The following ROBO2 variants were observed in gnomAD, a reference collection of about 807,000 sequenced individuals.
ROBO2 encodes the protein roundabout guidance receptor 2, also known as roundabout homolog 2.
Under a neutral mutation model 160.8 loss-of-function variants are expected in ROBO2, and 53 were observed. The ratio of observed to expected loss-of-function variants is 0.33; its 90% CI spans 0.26 to 0.41. The LOEUF is 0.41. Ranked by LOEUF, ROBO2 falls within the 10% of genes least tolerant of loss-of-function variation. The pLI, the probability that ROBO2 is intolerant of heterozygous loss-of-function variation, is 1.00. For missense variants in ROBO2, 1,577 were observed against 1,722.4 expected (o/e 0.92, Z 1.49); for synonymous variants, 664 against 611.7 (o/e 1.09, Z -1.26).
intron 2 of ROBO2, among the ~76,000 whole-genome samples, chr3:76,034,668 G>T (rs764402059): frequency 3.3e-5 from 5 of 150,680 alleles, no homozygotes; most frequent in Non-Finnish European, 5.9e-5. Context: ...ACTTCTTCTT[G>T]TCTTATCACC....
At chr3:77,445,077 C>T (rs145480916) in intron 2 of ROBO2, among the ~76,000 whole-genome samples, 84 of 152,190 alleles carry the variant, frequency 5.5e-4, no homozygotes, top group African/African-American at 1.9e-3. Context: ...ACGTCAACTG[C>T]CATGTTGCTG....
At chr3:76,152,678 T>G (rs1184893561) in intron 2 of ROBO2, among the ~76,000 whole-genome samples, 2 of 152,150 alleles carry the variant, frequency 1.3e-5, no homozygotes, top group Non-Finnish European at 2.9e-5. Context: ...ATTGGCATTG[T>G]CTAACATTGT....
intron 2 of ROBO2, among the ~76,000 whole-genome samples, chr3:76,236,094 T>C (rs909202145): frequency 6.6e-6 from 1 of 152,132 alleles, no homozygotes; most frequent in African/African-American, 2.4e-5. Context: ...TCAGTTATGT[T>C]TTTTTGTTCT....
intron 2 of ROBO2, among the ~76,000 whole-genome samples, chr3:76,390,448 A>G (rs552277234): frequency 6.6e-6 from 1 of 152,304 alleles, no homozygotes; most frequent in East Asian, 1.9e-4. Context: ...ATGATAAGAC[A>G]TACATTAAAG....
At chr3:76,783,481 C>T (rs890214273) in intron 2 of ROBO2, among the ~76,000 whole-genome samples, 27 of 149,966 alleles carry the variant, frequency 1.8e-4, no homozygotes, top group African/African-American at 6.6e-4. Context: ...AATAGCCTTG[C>T]CAAGTATAGT....
intron 24 of ROBO2, among the ~76,000 whole-genome samples, chr3:77,640,135 G>T (rs573565109): frequency 1.1e-5 from 1 of 90,238 alleles, no homozygotes; most frequent in Non-Finnish European, 2.0e-5. Flanking sequence ...TTTTTGAGAC[G>T]GAGTCTCGCT....
chr3:77,106,730 T>C (rs144776708), intron 2 of ROBO2, among the ~76,000 whole-genome samples: 1 of 152,224 alleles, frequency 6.6e-6, no homozygotes, highest in East Asian at 1.9e-4. Flanking sequence ...CTCCACTATA[T>C]ACCATTAGAA....
At chr3:76,878,778 G>A (rs918315363) in intron 2 of ROBO2, among the ~76,000 whole-genome samples, 1 of 152,118 alleles carries the variant, frequency 6.6e-6, no homozygotes, top group Admixed American at 6.5e-5. Flanking sequence ...GATTAGAGCT[G>A]TAAGTGAAAC....
chr3:77,168,005 G>T (rs143785078), intron 2 of ROBO2, among the ~76,000 whole-genome samples: 2 of 152,286 alleles, frequency 1.3e-5, no homozygotes, highest in African/African-American at 2.4e-5. Context: ...ATTTAAATGA[G>T]AAAAAATAAT....
At chr3:77,011,910 GA>G (rs1400651645) in intron 2 of ROBO2, among the ~76,000 whole-genome samples, 3 of 152,028 alleles carry the variant, frequency 2.0e-5, no homozygotes, top group African/African-American at 7.2e-5. Flanking sequence ...GATATAATAA[GA>G]AAAGAGATAT....
At position 77,564,961 on chromosome 3, in the gene ROBO2, G is replaced by C. The variant is rs772792868; in HGVS notation, c.1690G>C (p.Val564Leu). The C allele has an allele frequency of 6.2e-7, 1 of 1,613,302 alleles. No individual in the cohort carries two copies. The highest frequency in any genetic ancestry group is 2.2e-5 in the East Asian group (1 of 44,774). Residue 564 changes from valine to leucine, a missense_variant, in exon 12 of 26, where the codon GTG (valine) becomes CTG (leucine). Coordinates refer to ENST00000461745, the Ensembl canonical transcript of ROBO2. ...TTTCTGTTCGCGTTTCAGCCAATCAGTGAGCAACAGCTGGCAGACCGTGGC... is the reference window on the plus strand; with the variant it reads ...TTTCTGTTCGCGTTTCAGCCAATCACTGAGCAACAGCTGGCAGACCGTGGC...
intron 2 of ROBO2, among the ~76,000 whole-genome samples, chr3:76,901,492 T>G (rs2075224057): frequency 7.4e-6 from 1 of 135,138 alleles, no homozygotes; most frequent in Non-Finnish European, 1.5e-5. Context: ...TGCTTGAAAC[T>G]GGGAGGCAGA....
At chr3:76,999,433 G>T (rs965125106) in intron 2 of ROBO2, among the ~76,000 whole-genome samples, 2 of 152,094 alleles carry the variant, frequency 1.3e-5, no homozygotes, top group Non-Finnish European at 1.5e-5. Context: ...TATCCAACAT[G>T]CCTGCTGTTA....
intron 2 of ROBO2, among the ~76,000 whole-genome samples, chr3:76,783,097 G>A (rs2608168): frequency 0.85 from 127,408 of 150,654 alleles, 53,997 homozygotes; most frequent in African/African-American, 0.87. Flanking sequence ...CTTGATAGTT[G>A]AAACAATCTA....
At chr3:75,974,596 T>G (rs1241303030) in intron 2 of ROBO2, among the ~76,000 whole-genome samples, 1 of 151,622 alleles carries the variant, frequency 6.6e-6, no homozygotes, top group Non-Finnish European at 1.5e-5. Context: ...CTTGTAATTC[T>G]ATGTACTACT....
At chr3:77,099,008 T>C (rs533933643) in intron 2 of ROBO2, among the ~76,000 whole-genome samples, 80 of 151,716 alleles carry the variant, frequency 5.3e-4, no homozygotes, top group African/African-American at 1.9e-3. Context: ...TATTTTCTCC[T>C]AAATAATAGC....
chr3:76,193,455 A>G (rs1702106609), intron 2 of ROBO2, among the ~76,000 whole-genome samples: 1 of 152,172 alleles, frequency 6.6e-6, no homozygotes, highest in Non-Finnish European at 1.5e-5. Flanking sequence ...CAAACAGAAT[A>G]TTGGGCATGA....
chr3:76,744,353 CCTT>C (rs145023112), intron 2 of ROBO2, among the ~76,000 whole-genome samples: 22,771 of 150,996 alleles, frequency 0.15, 1,834 homozygotes, highest in East Asian at 0.28. Flanking sequence ...TCCTCCTTTT[CCTT>C]CTTCTTCTTC....
intron 2 of ROBO2, among the ~76,000 whole-genome samples, chr3:76,044,789 G>A (rs2067396799): frequency 6.6e-6 from 1 of 152,062 alleles, no homozygotes; most frequent in South Asian, 2.1e-4. Context: ...ATAGTTGCAT[G>A]TTGTGTAAGA....
Sources: gnomAD v4.1 joint callset for allele counts (sites outside exome capture counted in the v4.1 genomes callset) on GRCh38, gnomAD v4.1.1 for gene constraint, MANE v1.5 for transcripts, NCBI Gene and HGNC (gene_info 2026-07-23, HGNC 2026-07-21) for gene names.